UGT2A2: variants seen among roughly 807,000 people sequenced by gnomAD.
UGT2A2 encodes UDP-glucuronosyltransferase 2A2.
A neutral mutation model predicts 50.7 loss-of-function variants in UGT2A2; 60 were observed. The observed-to-expected ratio is 1.18, with a 90% CI of 0.96 to 1.47. The LOEUF (loss-of-function observed/expected upper bound fraction) is 1.47, where lower values mean the gene tolerates loss of function less well. Among genes scored for constraint, UGT2A2 ranks in the 40% most tolerant of loss-of-function variants. UGT2A2 has a pLI of 0.00. For synonymous variants in UGT2A2, 242 were observed against 214.6 expected (o/e 1.13, Z -1.11); for missense variants, 762 against 634.0 (o/e 1.20, Z -2.17).
At chr4:69,608,648 A>G (rs1719832942) in intron 1 of UGT2A2, among the ~76,000 whole-genome samples, 1 of 152,094 alleles carries the variant, frequency 6.6e-6, no homozygotes, top group South Asian at 2.1e-4. Context: ...AAAAAATGCA[A>G]AGAAATGGAC....
chr4:69,631,147 A>G (rs1200304140), intron 1 of UGT2A2, among the ~76,000 whole-genome samples: 1 of 152,112 alleles, frequency 6.6e-6, no homozygotes, highest in East Asian at 1.9e-4. Flanking sequence ...CTTCCTATTA[A>G]CGTCTTTTCT....
chr4:69,629,658 T>A (rs1721279639), intron 1 of UGT2A2, among the ~76,000 whole-genome samples: 1 of 152,014 alleles, frequency 6.6e-6, no homozygotes, highest in African/African-American at 2.4e-5. Flanking sequence ...CACATATCAT[T>A]TCTAGGAATA....
Position 69,598,747 on chromosome 4 carries a change from G to A in UGT2A2, c.891+499C>T, listed in dbSNP as rs188091832. ...ACCAATTGTTTCCTAACAGTAGATG[G>A]CACAACTGTCTAATAAATTCTCAAG... On this transcript the variant is annotated intron_variant, in intron 2 of 5. Coordinates refer to ENST00000604629, the MANE Select transcript of UGT2A2 (RefSeq NM_001105677.2). Among the ~76,000 whole-genome samples, 11 of 151,902 alleles carry A rather than the reference G, an allele frequency of 7.2e-5. No individual in the cohort carries two copies. In the East Asian group the frequency reaches 2.1e-3, roughly 29 times the overall value.
intron 1 of UGT2A2, among the ~76,000 whole-genome samples, chr4:69,616,260 A>G (rs998721305): frequency 2.6e-5 from 4 of 151,924 alleles, no homozygotes; most frequent in African/African-American, 9.7e-5. Context: ...GGGTATAAAG[A>G]GGGCATGATT....
rs910499237 is a variant in UGT2A2, at chr4:69,588,831, C to T, written c.*541G>A. ...AGGGACGCACGTCACACTTAAAATT[C>T]ATTCTCTAACTCCTGAAACATTGAG... On this transcript the variant is annotated 3_prime_UTR_variant, in exon 6 of 6. Coordinates refer to ENST00000604629, the MANE Select transcript of UGT2A2 (RefSeq NM_001105677.2). 1.3e-5 allele frequency: 2 copies of T among 152,036 alleles called. No homozygotes were observed. Among genetic ancestry groups the T allele is most frequent in the African/African-American group, 4.8e-5 (2 of 41,400 alleles). The allele number at this position is 152,036 out of a possible 1,614,324, so 9.4% of individuals were successfully genotyped here.
chr4:69,592,760 A>G (rs1232217840), intron 5 of UGT2A2, among the ~76,000 whole-genome samples: 3 of 152,066 alleles, frequency 2.0e-5, no homozygotes, highest in African/African-American at 7.2e-5. Flanking sequence ...CTGGTGCTCC[A>G]GAAGTAAAGA....
At chr4:69,633,940 G>C (rs964788560) in intron 1 of UGT2A2, among the ~76,000 whole-genome samples, 1 of 152,004 alleles carries the variant, frequency 6.6e-6, no homozygotes, top group Non-Finnish European at 1.5e-5. Flanking sequence ...TTTGCAGAAA[G>C]AATATACAAA....
At chr4:69,636,134 A>T (rs538790250) in intron 1 of UGT2A2, among the ~76,000 whole-genome samples, 11 of 152,304 alleles carry the variant, frequency 7.2e-5, no homozygotes, top group Admixed American at 2.6e-4. Context: ...GTCCTTCAAG[A>T]CATTTGGAGT....
Position 69,638,935 on chromosome 4 carries a change from A to T in UGT2A2, c.706T>A (p.Trp236Arg), listed in dbSNP as rs775932604. 6 of 1,611,156 alleles carry T rather than the reference A, an allele frequency of 3.7e-6. 1 individual carries two copies. In the South Asian group the frequency reaches 6.6e-5, roughly 18 times the overall value. Residue 236 changes from tryptophan (W) to arginine (R), a missense_variant, in exon 1 of 6, where the codon TGG becomes AGG. By Grantham distance (101) the Trp-to-Arg change is moderately radical (BLOSUM62 -3). Coordinates refer to ENST00000604629, the MANE Select transcript of UGT2A2 (RefSeq NM_001105677.2). ...SLQDYIFQSYWGEWNSYYSKI... is the reference protein window; with the variant it reads ...SLQDYIFQSYRGEWNSYYSKI... ...CTATAGTATGAATTCCATTCTCCCC[A>T]GTAGGACTGAAATATATAGTCTTGC...
chr4:69,608,069 C>T (rs566599434), intron 1 of UGT2A2, among the ~76,000 whole-genome samples: 3 of 152,040 alleles, frequency 2.0e-5, no homozygotes, highest in East Asian at 1.9e-4. Context: ...CCCATTACTG[C>T]GTATATACCC....
intron 1 of UGT2A2, among the ~76,000 whole-genome samples, chr4:69,624,692 C>T (rs188970651): frequency 6.9e-4 from 104 of 151,318 alleles, no homozygotes; most frequent in Admixed American, 1.7e-3. Context: ...AACAACTTTA[C>T]GACAGTATAC....
intron 5 of UGT2A2, among the ~76,000 whole-genome samples, chr4:69,590,613 C>T (rs1718534173): frequency 2.0e-5 from 3 of 150,962 alleles, no homozygotes; most frequent in African/African-American, 7.3e-5. Context: ...CTAGATTCAG[C>T]AGCAGGAGTA....
At chr4:69,630,464 T>C (rs559174521) in intron 1 of UGT2A2, among the ~76,000 whole-genome samples, 88 of 152,224 alleles carry the variant, frequency 5.8e-4, no homozygotes, top group African/African-American at 2.1e-3. Flanking sequence ...CCATCACTAT[T>C]CCCTCTCCTT....
chr4:69,622,012 G>T (rs1720783792), intron 1 of UGT2A2, among the ~76,000 whole-genome samples: 1 of 151,690 alleles, frequency 6.6e-6, no homozygotes, highest in Non-Finnish European at 1.5e-5. Flanking sequence ...ACTTGAGGGT[G>T]GATGGTGGAA....
chr4:69,622,262 C>T (rs778255630), intron 1 of UGT2A2, among the ~76,000 whole-genome samples: 1 of 151,052 alleles, frequency 6.6e-6, no homozygotes, highest in Non-Finnish European at 1.5e-5. Flanking sequence ...TGTCAAAATA[C>T]ATAACAAAGT....
Position 69,599,450 on chromosome 4 carries a change from A to G in UGT2A2, c.743-56T>C, listed in dbSNP as rs904176677. 2.8e-5 allele frequency: 44 copies of G among 1,582,214 alleles called. No individual in the cohort carries two copies. In the African/African-American group the frequency reaches 5.2e-4, roughly 19 times the overall value. On this transcript the variant is annotated intron_variant, in intron 1 of 5. Coordinates refer to ENST00000604629, the MANE Select transcript of UGT2A2 (RefSeq NM_001105677.2). ...AAATTAGCTTATATGTTTGCTGAGG[A>G]GAAAAAAAAGCTACCAGTAATTTCC...
chr4:69,609,507 TA>T (rs1560476615), intron 1 of UGT2A2, among the ~76,000 whole-genome samples: 1 of 152,108 alleles, frequency 6.6e-6, no homozygotes, highest in Non-Finnish European at 1.5e-5. Context: ...ACTGAAACTG[TA>T]AATTTTAAAG....
chr4:69,620,672 C>T (rs1720699237), intron 1 of UGT2A2, among the ~76,000 whole-genome samples: 1 of 147,688 alleles, frequency 6.8e-6, no homozygotes, highest in Non-Finnish European at 1.5e-5. Flanking sequence ...AAAAAAGAGC[C>T]ACAAAAGCCA....
chr4:69,632,812 C>T (rs1306052649), intron 1 of UGT2A2, among the ~76,000 whole-genome samples: 2 of 151,096 alleles, frequency 1.3e-5, no homozygotes, highest in Non-Finnish European at 2.9e-5. Flanking sequence ...CGCTTGAACC[C>T]AGGAGGCGGG....
Sources: gnomAD v4.1 joint callset for allele counts (sites outside exome capture counted in the v4.1 genomes callset) on GRCh38, gnomAD v4.1.1 for gene constraint, MANE v1.5 for transcripts, NCBI Gene and HGNC (gene_info 2026-07-23, HGNC 2026-07-21) for gene names.